The following PTPRD variants were observed in gnomAD, a reference collection of about 807,000 sequenced individuals.
PTPRD encodes receptor-type tyrosine-protein phosphatase delta.
PTPRD carries 34 observed loss-of-function variants against 214.5 expected under a neutral mutation model. The observed-to-expected ratio is 0.16, with a 90% CI of 0.12 to 0.21. The LOEUF is 0.21. PTPRD is among the 10% of genes least tolerant of loss of function. The pLI is 1.00. For missense variants in PTPRD, 2,545 were observed against 2,398.7 expected (o/e 1.06, Z -1.27); for synonymous variants, 1,128 against 845.7 (o/e 1.33, Z -5.79).
chr9:9,804,174 T>A (rs375616273), intron 5 of PTPRD, among the ~76,000 whole-genome samples: 1 of 152,102 alleles, frequency 6.6e-6, no homozygotes, highest in Non-Finnish European at 1.5e-5. Flanking sequence ...CCCAGTCTCA[T>A]CCCTCTACAT....
chr9:9,372,330 G>C (rs983920075), intron 9 of PTPRD, among the ~76,000 whole-genome samples: 32 of 152,144 alleles, frequency 2.1e-4, no homozygotes, highest in African/African-American at 7.5e-4. Flanking sequence ...AGGGTAGTTA[G>C]CTCTTCTTGT....
chr9:10,371,384 C>T (rs2097614203), intron 2 of PTPRD, among the ~76,000 whole-genome samples: 2 of 151,998 alleles, frequency 1.3e-5, no homozygotes, highest in African/African-American at 4.8e-5. Flanking sequence ...TCTTGTACAA[C>T]TTTTTCCTCA....
chr9:8,427,064 T>G (rs1487775133), intron 35 of PTPRD, among the ~76,000 whole-genome samples: 3 of 152,184 alleles, frequency 2.0e-5, no homozygotes, highest in Admixed American at 1.3e-4. Context: ...CTGTACTTTT[T>G]CATTTTACTT....
chr9:8,838,515 T>C (rs934032683), intron 11 of PTPRD, among the ~76,000 whole-genome samples: 1 of 152,090 alleles, frequency 6.6e-6, no homozygotes, highest in Non-Finnish European at 1.5e-5. Context: ...TGGAGGTATT[T>C]CACTGAACTT....
At chr9:8,817,908 C>A (rs751463848) in intron 11 of PTPRD, among the ~76,000 whole-genome samples, 1 of 152,090 alleles carries the variant, frequency 6.6e-6, no homozygotes, top group South Asian at 2.1e-4. Context: ...AAATTTGGAT[C>A]AAATAAAACT....
intron 7 of PTPRD, among the ~76,000 whole-genome samples, chr9:9,673,672 A>C (rs2096873171): frequency 6.6e-6 from 1 of 151,726 alleles, no homozygotes; most frequent in Non-Finnish European, 1.5e-5. Context: ...TGAAAATTAA[A>C]AATCTATAGA....
chr9:10,594,664 A>G (rs563606296), intron 2 of PTPRD, among the ~76,000 whole-genome samples: 4 of 152,084 alleles, frequency 2.6e-5, no homozygotes, highest in African/African-American at 9.6e-5. Flanking sequence ...TTAGTCATTC[A>G]CACCATCCAT....
chr9:10,234,881 T>C (rs1282009201), intron 3 of PTPRD, among the ~76,000 whole-genome samples: 1 of 151,884 alleles, frequency 6.6e-6, no homozygotes, highest in African/African-American at 2.4e-5. Flanking sequence ...TCTGCAATTC[T>C]TCTTATATAT....
intron 11 of PTPRD, among the ~76,000 whole-genome samples, chr9:8,856,215 T>C (rs1040319078): frequency 9.7e-3 from 2 of 206 alleles, no homozygotes; most frequent in African/African-American, 0.012. Flanking sequence ...AGTTATTATC[T>C]CTACAGATCC....
intron 2 of PTPRD, among the ~76,000 whole-genome samples, chr9:10,407,805 G>T (rs767121596): frequency 8.6e-5 from 13 of 151,456 alleles, no homozygotes; most frequent in Non-Finnish European, 1.3e-4. Context: ...CCTGCTAGAA[G>T]GAAATTGTAT....
At chr9:10,196,324 A>G (rs745440236) in intron 3 of PTPRD, among the ~76,000 whole-genome samples, 5 of 152,166 alleles carry the variant, frequency 3.3e-5, no homozygotes, top group Non-Finnish European at 7.4e-5. Context: ...CCTCACTCAT[A>G]ACATTTTCAC....
At chr9:9,569,631 T>C (rs1203301609) in intron 8 of PTPRD, among the ~76,000 whole-genome samples, 1 of 151,610 alleles carries the variant, frequency 6.6e-6, no homozygotes, top group Non-Finnish European at 1.5e-5. Flanking sequence ...ATATCCATAG[T>C]ATATCAAAGA....
chr9:8,765,447 G>C (rs2094660264), intron 11 of PTPRD, among the ~76,000 whole-genome samples: 1 of 152,170 alleles, frequency 6.6e-6, no homozygotes, highest in South Asian at 2.1e-4. Flanking sequence ...GCAGCCCGTG[G>C]ACAGCCCCAC....
chr9:10,211,827 T>C (rs1429578525), intron 3 of PTPRD, among the ~76,000 whole-genome samples: 2 of 151,916 alleles, frequency 1.3e-5, no homozygotes, highest in Non-Finnish European at 2.9e-5. Context: ...GGGTGAGGGA[T>C]GAGAAATTAC....
intron 35 of PTPRD, among the ~76,000 whole-genome samples, chr9:8,425,222 G>C (rs542794079): frequency 5.9e-5 from 9 of 152,272 alleles, no homozygotes; most frequent in African/African-American, 1.9e-4. Flanking sequence ...TCTTCTTGCA[G>C]CATTGTTAAA....
In PTPRD at chr9:10,009,823, C is replaced by T. The variant is rs76883421; in HGVS notation, c.-472+23895G>A. Among the ~76,000 whole-genome samples the T allele has an allele frequency of 9.9e-3, 1,501 of 151,956 alleles. 19 individuals are homozygous for T. Among genetic ancestry groups the T allele is most frequent in the African/African-American group, 0.034 (1,402 of 41,450 alleles). On this transcript the variant is annotated intron_variant, in intron 4 of 45. Coordinates refer to ENST00000381196, the MANE Select transcript of PTPRD (RefSeq NM_002839.4). The stretch of plus-strand genomic sequence containing the variant: ...CAGGGCCTGTAAAGCTCTCGTGTAA[C>T]GCTATACTAGAGTCTGCTTGGAATT...
chr9:10,417,215 T>G (rs2098500003), intron 2 of PTPRD, among the ~76,000 whole-genome samples: 1 of 151,954 alleles, frequency 6.6e-6, no homozygotes, highest in Admixed American at 6.6e-5. Flanking sequence ...ACCTAGTCAA[T>G]CAAGTTCTAT....
chr9:8,409,794 T>G (rs990985395), intron 35 of PTPRD, among the ~76,000 whole-genome samples: 2 of 152,236 alleles, frequency 1.3e-5, no homozygotes, highest in African/African-American at 4.8e-5. Flanking sequence ...AAGATCATCC[T>G]GTTTTTGTGT....
At chr9:9,586,536 G>T (rs1347454874) in intron 7 of PTPRD, among the ~76,000 whole-genome samples, 1 of 151,798 alleles carries the variant, frequency 6.6e-6, no homozygotes, top group African/African-American at 2.4e-5. Flanking sequence ...CTATATTCAG[G>T]TTAATTTAGT....
Sources: gnomAD v4.1 joint callset for allele counts (sites outside exome capture counted in the v4.1 genomes callset) on GRCh38, gnomAD v4.1.1 for gene constraint, MANE v1.5 for transcripts, NCBI Gene and HGNC (gene_info 2026-07-23, HGNC 2026-07-21) for gene names.